DLG2: variants seen among roughly 807,000 people sequenced by gnomAD.
The protein encoded by DLG2 is discs large MAGUK scaffold protein 2, also known as disks large homolog 2.
DLG2 carries 45 observed loss-of-function variants against 132.5 expected under a neutral mutation model. That is an observed-to-expected ratio of 0.34 (90% CI 0.27 to 0.44). The LOEUF is 0.44. Ranked by LOEUF, DLG2 falls within the 20% of genes least tolerant of loss-of-function variation. DLG2 has a pLI of 1.00. For missense variants in DLG2, 1,045 were observed against 1,196.9 expected (o/e 0.87, Z 1.87); for synonymous variants, 424 against 419.6 (o/e 1.01, Z -0.13).
At chr11:83,816,720 C>T (rs1008938283) in intron 17 of DLG2, among the ~76,000 whole-genome samples, 1 of 152,166 alleles carries the variant, frequency 6.6e-6, no homozygotes, top group Non-Finnish European at 1.5e-5. Flanking sequence ...AGATTTCAAT[C>T]AGAAAACATT....
intron 21 of DLG2, among the ~76,000 whole-genome samples, chr11:83,491,844 A>T (rs1254266272): frequency 6.6e-6 from 1 of 151,642 alleles, no homozygotes; most frequent in East Asian, 1.9e-4. Context: ...TTACAGCAAA[A>T]CTCCTCCAAA....
At chr11:85,236,393 T>G (rs924054931) in intron 4 of DLG2, among the ~76,000 whole-genome samples, 5 of 151,928 alleles carry the variant, frequency 3.3e-5, no homozygotes, top group Admixed American at 6.6e-5. Context: ...CTGAGACCCC[T>G]CTCTTTTTGT....
chr11:85,556,057 T>G (rs1365954955), intron 3 of DLG2, among the ~76,000 whole-genome samples: 1 of 151,470 alleles, frequency 6.6e-6, no homozygotes, highest in Non-Finnish European at 1.5e-5. Flanking sequence ...TCAATAAACC[T>G]TCACTGAGCA....
intron 19 of DLG2, among the ~76,000 whole-genome samples, chr11:83,560,415 A>G (rs1003873266): frequency 6.6e-6 from 1 of 152,084 alleles, no homozygotes; most frequent in Admixed American, 6.6e-5. Context: ...ACCGCAGCTG[A>G]CCTGAACTTT....
intron 6 of DLG2, among the ~76,000 whole-genome samples, chr11:85,043,176 A>T (rs554059321): frequency 3.4e-4 from 51 of 151,956 alleles, no homozygotes; most frequent in Non-Finnish European, 6.8e-4. Context: ...ATAGGACCTT[A>T]CACAAAGTTC....
chr11:84,916,721 C>A (rs951777306), intron 6 of DLG2, among the ~76,000 whole-genome samples: 3 of 152,098 alleles, frequency 2.0e-5, no homozygotes, highest in African/African-American at 7.2e-5. Context: ...GTGACCCTTC[C>A]GTTCAAAACA....
intron 6 of DLG2, among the ~76,000 whole-genome samples, chr11:84,590,656 A>G (rs2099540645): frequency 6.6e-6 from 1 of 152,170 alleles, no homozygotes; most frequent in Non-Finnish European, 1.5e-5. Context: ...AAAGTGCTAT[A>G]GTCTAACATA....
chr11:84,145,308 A>G (rs1044705520), intron 9 of DLG2, among the ~76,000 whole-genome samples: 1 of 152,214 alleles, frequency 6.6e-6, no homozygotes, highest in Non-Finnish European at 1.5e-5. Flanking sequence ...TGTGAACACC[A>G]CAGAATGTAC....
chr11:85,610,303 T>C (rs1048442699), intron 2 of DLG2, among the ~76,000 whole-genome samples: 5 of 152,360 alleles, frequency 3.3e-5, no homozygotes, highest in Middle Eastern at 3.4e-3. Flanking sequence ...CAGTGGAGAC[T>C]AGTGCAAGAT....
chr11:85,573,355 A>T (rs2077960102), intron 3 of DLG2, among the ~76,000 whole-genome samples: 1 of 152,178 alleles, frequency 6.6e-6, no homozygotes, highest in Non-Finnish European at 1.5e-5. Context: ...TTTCAAGGTA[A>T]AGTGCTTTAT....
intron 7 of DLG2, among the ~76,000 whole-genome samples, chr11:84,322,310 G>A (rs2098409305): frequency 6.6e-6 from 1 of 152,304 alleles, no homozygotes; most frequent in East Asian, 1.9e-4. Context: ...ATAAGTGTAT[G>A]AACTCATTTT....
chr11:84,371,823 G>A (rs1319217540), intron 7 of DLG2, among the ~76,000 whole-genome samples: 1 of 152,086 alleles, frequency 6.6e-6, no homozygotes, highest in African/African-American at 2.4e-5. Flanking sequence ...AATATCTCCT[G>A]CATGGTATAT....
At chr11:85,335,261 T>C (rs984876609) in intron 3 of DLG2, among the ~76,000 whole-genome samples, 2 of 151,948 alleles carry the variant, frequency 1.3e-5, no homozygotes, top group African/African-American at 4.8e-5. Context: ...TTGTTTTCTG[T>C]TTGTTTAATA....
intron 3 of DLG2, among the ~76,000 whole-genome samples, chr11:85,303,895 TG>T (rs2079770135): frequency 6.6e-6 from 1 of 152,236 alleles, no homozygotes; most frequent in Non-Finnish European, 1.5e-5. Context: ...TGAAATTAAA[TG>T]TCTCTCCTTG....
chr11:85,285,064 A>G (rs578243850), intron 4 of DLG2, among the ~76,000 whole-genome samples, 156 bp downstream of exon 4: 18 of 152,070 alleles, frequency 1.2e-4, no homozygotes, highest in African/African-American at 4.1e-4. Flanking sequence ...GGAAAAATTG[A>G]ATTTTCATAT....
At chr11:84,977,484 C>G (rs651661) in intron 6 of DLG2, among the ~76,000 whole-genome samples, 107,346 of 152,030 alleles carry the variant, frequency 0.71, 38,877 homozygotes, top group East Asian at 0.92. Context: ...AAGCCAATCA[C>G]TTTTCCATTA....
At chr11:85,464,840 C>T (rs1473562648) in intron 3 of DLG2, among the ~76,000 whole-genome samples, 4 of 151,058 alleles carry the variant, frequency 2.6e-5, no homozygotes, top group Non-Finnish European at 4.4e-5. Context: ...TTTGGGAGGC[C>T]GAGGCAGGTG....
At chr11:84,526,168 T>C (rs185460236) in intron 7 of DLG2, among the ~76,000 whole-genome samples, 76 of 152,320 alleles carry the variant, frequency 5.0e-4, no homozygotes, top group Non-Finnish European at 7.5e-4. Context: ...CTAATCATAT[T>C]TCCATCTTAG....
chr11:85,103,952 T>A (rs1290032626), intron 6 of DLG2, among the ~76,000 whole-genome samples: 1 of 151,836 alleles, frequency 6.6e-6, no homozygotes, highest in Non-Finnish European at 1.5e-5. Flanking sequence ...AATAAGTACA[T>A]GAAAACACGG....
Sources: allele counts gnomAD v4.1 joint callset (sites outside exome capture counted in the v4.1 genomes callset), GRCh38; gene constraint gnomAD v4.1.1; transcripts MANE v1.5; gene names NCBI Gene and HGNC (gene_info 2026-07-23, HGNC 2026-07-21).